BLTP3B: variants seen among roughly 807,000 people sequenced by gnomAD.
BLTP3B encodes UHRF1 (ICBP90) binding protein 1-like.
chr12:100,038,739 CTATATTAGAGCAAA>C, the BLTP3B span, among the ~76,000 whole-genome samples: 7 of 152,072 alleles, frequency 4.6e-5, no homozygotes, highest in Non-Finnish European at 8.8e-5. Context: ...TTAGGAATGG[CTATATTAGAGCAAA>C]TATATTAGAG....
chr12:100,100,173 C>T, the BLTP3B span, among the ~76,000 whole-genome samples: 3 of 150,806 alleles, frequency 2.0e-5, no homozygotes, highest in Non-Finnish European at 3.0e-5. Flanking sequence ...GGCATGGTGG[C>T]GCATGCCTGT....
At chr12:100,053,231 C>T in the BLTP3B span, among the ~76,000 whole-genome samples, 18 of 151,694 alleles carry the variant, frequency 1.2e-4, no homozygotes, top group Non-Finnish European at 2.5e-4. Context: ...ATGGTAAAAC[C>T]CCATCTCGAC....
chr12:100,037,753 G>A, the BLTP3B span: 2 of 1,592,180 alleles, frequency 1.3e-6, no homozygotes, highest in Non-Finnish European at 1.7e-6. Context: ...TCTCTTCCAT[G>A]AGCTGAAATG....
chr12:100,084,497 A>T, the BLTP3B span: 8 of 1,613,436 alleles, frequency 5.0e-6, no homozygotes, highest in Non-Finnish European at 6.8e-6. Flanking sequence ...TGCTGGGGAG[A>T]GGCATGTGTT....
At chr12:100,062,884 C>T in the BLTP3B span, among the ~76,000 whole-genome samples, 10 of 151,828 alleles carry the variant, frequency 6.6e-5, no homozygotes, top group Admixed American at 2.6e-4. Context: ...TCACTTGAGT[C>T]CAGGAGTTTG....
At chr12:100,126,225 C>T in the BLTP3B span, among the ~76,000 whole-genome samples, 3 of 152,102 alleles carry the variant, frequency 2.0e-5, no homozygotes, top group South Asian at 2.1e-4. Flanking sequence ...ATTTCAGAGG[C>T]GGCAGCAGCA....
the BLTP3B span, among the ~76,000 whole-genome samples, chr12:100,065,900 C>T: frequency 2.6e-5 from 4 of 152,170 alleles, no homozygotes; most frequent in Non-Finnish European, 5.9e-5. Context: ...ACCCCCTCCC[C>T]TTTTGAAGTC....
At chr12:100,119,338 T>A in the BLTP3B span, among the ~76,000 whole-genome samples, 1 of 152,108 alleles carries the variant, frequency 6.6e-6, no homozygotes, top group African/African-American at 2.4e-5. Context: ...TGGATTAAAC[T>A]CAATACTGTT....
the BLTP3B span, among the ~76,000 whole-genome samples, chr12:100,107,323 A>G: frequency 7.8e-6 from 1 of 128,014 alleles, no homozygotes; most frequent in East Asian, 2.0e-4. Flanking sequence ...GATAAGTAGA[A>G]TAATAAGTTA....
the BLTP3B span, among the ~76,000 whole-genome samples, chr12:100,142,120 G>A: frequency 6.6e-6 from 1 of 152,176 alleles, no homozygotes; most frequent in Admixed American, 6.5e-5. Flanking sequence ...GTTCCACTGA[G>A]AACACAGCCT....
chr12:100,092,779 G>T, the BLTP3B span: 1 of 492,614 alleles, frequency 2.0e-6, no homozygotes, highest in Non-Finnish European at 2.6e-6. Flanking sequence ...CACAACCTAA[G>T]CTACCAAAAT....
the BLTP3B span, among the ~76,000 whole-genome samples, chr12:100,072,503 T>C: frequency 1.3e-5 from 2 of 152,186 alleles, no homozygotes; most frequent in Non-Finnish European, 2.9e-5. Flanking sequence ...GCCTAGGAGT[T>C]TGAGATCAGC....
chr12:100,048,587 C>T, the BLTP3B span, among the ~76,000 whole-genome samples: 1 of 152,002 alleles, frequency 6.6e-6, no homozygotes, highest in Non-Finnish European at 1.5e-5. Flanking sequence ...TAACAAAAGC[C>T]TGAGGTTTTG....
the BLTP3B span, chr12:100,128,655 T>A: frequency 7.8e-7 from 1 of 1,287,114 alleles, no homozygotes; most frequent in Non-Finnish European, 1.0e-6. Context: ...TTTCTTAGAC[T>A]CCTCTGGTAC....
the BLTP3B span, among the ~76,000 whole-genome samples, chr12:100,045,173 C>T: frequency 1.3e-5 from 2 of 152,130 alleles, no homozygotes; most frequent in South Asian, 4.2e-4. Context: ...GGCCATACTG[C>T]CCAAGTTAAT....
chr12:100,039,580 T>C, the BLTP3B span: 1 of 1,599,036 alleles, frequency 6.3e-7, no homozygotes, highest in South Asian at 1.1e-5. Context: ...TGAATCTGAA[T>C]TAGGTTTCCC....
chr12:100,050,162 A>G, the BLTP3B span: 3 of 1,469,716 alleles, frequency 2.0e-6, no homozygotes, highest in Admixed American at 3.0e-5. Flanking sequence ...AAAAAAAAAA[A>G]CTTACCAACT....
the BLTP3B span, among the ~76,000 whole-genome samples, chr12:100,098,985 G>A: frequency 0.015 from 2,092 of 139,868 alleles, 18 homozygotes; most frequent in Non-Finnish European, 0.021. Context: ...TAATTTGCAC[G>A]TCACCATTTT....
the BLTP3B span, among the ~76,000 whole-genome samples, chr12:100,054,361 A>G: frequency 6.6e-6 from 1 of 152,166 alleles, no homozygotes; most frequent in African/African-American, 2.4e-5. Flanking sequence ...AACAGTTGAT[A>G]TATTGTGAAT....
Sources: gnomAD v4.1 joint callset for allele counts (sites outside exome capture counted in the v4.1 genomes callset) on GRCh38, gnomAD v4.1.1 for gene constraint, MANE v1.5 for transcripts, NCBI Gene and HGNC (gene_info 2026-07-23, HGNC 2026-07-21) for gene names.